The following SPTBN1 variants were observed in gnomAD, a reference collection of about 807,000 sequenced individuals.
The protein encoded by SPTBN1 is spectrin beta chain, non-erythrocytic 1.
A neutral mutation model predicts 266.4 loss-of-function variants in SPTBN1; 32 were observed. The ratio of observed to expected loss-of-function variants is 0.12; its 90% CI spans 0.09 to 0.16. The LOEUF (loss-of-function observed/expected upper bound fraction) is 0.16, where lower values mean the gene tolerates loss of function less well. Among genes scored for constraint, SPTBN1 ranks in the 10% least tolerant of loss-of-function variants. The pLI, the probability that SPTBN1 is intolerant of heterozygous loss-of-function variation, is 1.00. For synonymous variants in SPTBN1, 1,336 were observed against 1,162.2 expected (o/e 1.15, Z -3.04); for missense variants, 2,296 against 3,067.1 (o/e 0.75, Z 5.94).
rs142991676 is a variant in SPTBN1 at position 54,631,569 on chromosome 2, C to T, written c.3522C>T (p.Phe1174=). 61 of 1,613,950 alleles carry T rather than the reference C, an allele frequency of 3.8e-5. No homozygotes were observed. The African/African-American group carries it at 7.3e-4, about 19-fold the overall frequency. Residue 1174 remains phenylalanine (F), a synonymous_variant, in exon 16 of 36, where the codon TTC becomes TTT. Coordinates refer to ENST00000356805, the MANE Select transcript of SPTBN1 (RefSeq NM_003128.3). ...CCCAGTCACATGCCTACCAGCAGTT[C>T]CTCAGAGACACGAAGCAAGCCGAAG... ...LLSQSHAYQQ[F]LRDTKQAEAF... is the part of the protein sequence containing the mutation.
intron 20 of SPTBN1, 77 bp downstream of exon 20, chr2:54,644,663 C>T: frequency 6.6e-7 from 1 of 1,512,310 alleles, no homozygotes; most frequent in Non-Finnish European, 8.9e-7. Flanking sequence ...TTCTCACCCA[C>T]TGCATTATCA....
At chr2:54,593,872 C>T (rs1274590359) in intron 2 of SPTBN1, among the ~76,000 whole-genome samples, 5 of 117,408 alleles carry the variant, frequency 4.3e-5, no homozygotes, top group African/African-American at 9.5e-5. Context: ...TTAACGCTGT[C>T]GCCCAGGCTG....
At chr2:54,598,910 C>T (rs1246654979) in intron 2 of SPTBN1, among the ~76,000 whole-genome samples, 182 bp from the exon 3 acceptor site, 1 of 152,176 alleles carries the variant, frequency 6.6e-6, no homozygotes, top group Non-Finnish European at 1.5e-5. Context: ...GTAAGTTGAA[C>T]CATCAGTAAT....
intron 1 of SPTBN1, among the ~76,000 whole-genome samples, chr2:54,461,359 G>C (rs1693360458): frequency 6.6e-6 from 1 of 152,156 alleles, no homozygotes; most frequent in African/African-American, 2.4e-5. Flanking sequence ...TGGAGATTTG[G>C]ATTGATTCCA....
At chr2:54,603,901 C>T (rs1676665612) in intron 3 of SPTBN1, among the ~76,000 whole-genome samples, 1 of 152,192 alleles carries the variant, frequency 6.6e-6, no homozygotes, top group Non-Finnish European at 1.5e-5. Flanking sequence ...ATTTCCTCTT[C>T]ACCTGAACAA....
chr2:54,529,427 G>A, intron 2 of SPTBN1: 1 of 705,328 alleles, frequency 1.4e-6, no homozygotes, highest in South Asian at 1.4e-5. Flanking sequence ...CAAGAAGGTA[G>A]TGTTGAAAGG....
chr2:54,496,793 C>G (rs909991803), intron 1 of SPTBN1, among the ~76,000 whole-genome samples: 3 of 152,172 alleles, frequency 2.0e-5, no homozygotes, highest in African/African-American at 7.2e-5. Context: ...GCCCTCTGTA[C>G]AAGGTTGATG....
At chr2:54,637,270 C>T (rs1572726303) in intron 17 of SPTBN1, among the ~76,000 whole-genome samples, 1 of 152,052 alleles carries the variant, frequency 6.6e-6, no homozygotes, top group East Asian at 1.9e-4. Context: ...AGATGAGAAA[C>T]TCTTTATCAG....
At chr2:54,625,081 C>T (rs1035683459) in intron 11 of SPTBN1, 119 bp downstream of exon 11, 4 of 1,244,248 alleles carry the variant, frequency 3.2e-6, no homozygotes, top group African/African-American at 1.5e-5. Flanking sequence ...TCTGGAGGAA[C>T]GTCAGGTCAC....
At chr2:54,476,703 A>G (rs1667852737) in intron 1 of SPTBN1, among the ~76,000 whole-genome samples, 1 of 152,252 alleles carries the variant, frequency 6.6e-6, no homozygotes, top group Non-Finnish European at 1.5e-5. Flanking sequence ...TTCTCATACA[A>G]AGCAAGTATT....
intron 17 of SPTBN1, among the ~76,000 whole-genome samples, chr2:54,634,167 C>A (rs1371347849): frequency 1.3e-5 from 2 of 152,146 alleles, no homozygotes; most frequent in Non-Finnish European, 2.9e-5. Flanking sequence ...TGCAGGCGGG[C>A]TTGGCTGTTA....
Position 54,624,790 on chromosome 2 carries a change from T to A in SPTBN1, c.1183-14T>A. On this transcript the variant is annotated splice_polypyrimidine_tract_variant and intron_variant, in intron 10 of 35. Transcript: ENST00000356805. ...AAACTGTGTTTGTGTGTGTGTGTATTTTCATTTTTGTAGGCCTGGGAAAGA... is the reference window on the plus strand; with the variant it reads ...AAACTGTGTTTGTGTGTGTGTGTATATTCATTTTTGTAGGCCTGGGAAAGA... 2 of 1,614,082 alleles carry A rather than the reference T, an allele frequency of 1.2e-6. No individual in the cohort carries two copies.
intron 2 of SPTBN1, among the ~76,000 whole-genome samples, chr2:54,551,264 A>T (rs1160892620): frequency 2.0e-5 from 3 of 152,120 alleles, no homozygotes; most frequent in Non-Finnish European, 4.4e-5. Context: ...AGAACCAAGA[A>T]CTCTGGGCAA....
At chr2:54,504,808 A>G (rs545753368) in intron 1 of SPTBN1, among the ~76,000 whole-genome samples, 6 of 152,228 alleles carry the variant, frequency 3.9e-5, no homozygotes, top group Non-Finnish European at 1.5e-5. Flanking sequence ...ATAATATTTT[A>G]AAAAGCGTAA....
intron 1 of SPTBN1, among the ~76,000 whole-genome samples, chr2:54,517,442 GATA>G (rs542675131): frequency 2.8e-4 from 43 of 152,156 alleles, no homozygotes; most frequent in Admixed American, 1.7e-3. Flanking sequence ...AAGAAAATCT[GATA>G]ATCATAGTGG....
chr2:54,492,902 A>T (rs1356622531), intron 1 of SPTBN1, among the ~76,000 whole-genome samples: 5 of 152,212 alleles, frequency 3.3e-5, no homozygotes, highest in African/African-American at 4.8e-5. Flanking sequence ...GTGTTTAGAA[A>T]ATTGTTGTGC....
intron 2 of SPTBN1, among the ~76,000 whole-genome samples, chr2:54,542,694 G>C (rs1672005242): frequency 1.3e-5 from 2 of 152,120 alleles, no homozygotes; most frequent in South Asian, 4.1e-4. Context: ...GAAGAAACAA[G>C]GCCCTGAAGC....
intron 3 of SPTBN1, among the ~76,000 whole-genome samples, chr2:54,608,612 A>T (rs750581278): frequency 6.6e-6 from 1 of 152,050 alleles, no homozygotes; most frequent in Non-Finnish European, 1.5e-5. Context: ...GGAGAGAAGG[A>T]TGGAGCCAGA....
rs148185521 is a variant in SPTBN1 at position 54,640,550 on chromosome 2, T to G, written c.3859-2433T>G. Among the ~76,000 whole-genome samples, 527 of 152,242 alleles carry G rather than the reference T, an allele frequency of 3.5e-3. 4 individuals carry two copies. The highest frequency in any genetic ancestry group is 0.012 in the African/African-American group (499 of 41,538). Reference sequence around the variant, plus strand: ...ACCATCATCATCTTTGTAGTGGTTTTGTTTTGTTTTGTTTTGTTTGAGACA... The same window carrying G: ...ACCATCATCATCTTTGTAGTGGTTTGGTTTTGTTTTGTTTTGTTTGAGACA... On this transcript the variant is annotated intron_variant, in intron 18 of 35. Coordinates refer to ENST00000356805, the MANE Select transcript of SPTBN1 (RefSeq NM_003128.3).
Sources: allele counts gnomAD v4.1 joint callset (sites outside exome capture counted in the v4.1 genomes callset), GRCh38; gene constraint gnomAD v4.1.1; transcripts MANE v1.5; gene names NCBI Gene and HGNC (gene_info 2026-07-23, HGNC 2026-07-21).